Variants in ADGRL2 observed in about 807,000 individuals in gnomAD.
ADGRL2 encodes adhesion G protein-coupled receptor L2, also known as calcium-independent alpha-latrotoxin receptor 2.
Under a neutral mutation model 157.4 loss-of-function variants are expected in ADGRL2, and 44 were observed. The ratio of observed to expected loss-of-function variants is 0.28; its 90% CI spans 0.22 to 0.36. The LOEUF (loss-of-function observed/expected upper bound fraction) is 0.36. Ranked by LOEUF, ADGRL2 falls within the 10% of genes least tolerant of loss-of-function variation. The probability of loss-of-function intolerance (pLI) is 1.00; values close to 1 mark genes in which losing one functional copy is unlikely to be tolerated. For missense variants in ADGRL2, 1,510 were observed against 1,768.9 expected, an observed-to-expected ratio of 0.85 and a Z score of 2.63; for synonymous variants, 585 against 624.7, an observed-to-expected ratio of 0.94 and a Z score of 0.95.
rs746319816 is a variant in ADGRL2 at position 81,906,998 on chromosome 1, C to A, written c.74-19C>A. 3.8e-6 allele frequency: 6 copies of A among 1,589,550 alleles called. No homozygotes were observed. The highest frequency in any genetic ancestry group is 4.3e-6 in the Non-Finnish European group (5 of 1,159,802). ...TATAAATGAGTTACAGTTTAATTTT[C>A]TTTCTTTTTTATTTTAAGGTTTCAG... On this transcript the variant is annotated intron_variant, in intron 2 of 23. Transcript: ENST00000686636.
At chr1:81,778,431 A>G (rs761008320) in intron 2 of ADGRL2, among the ~76,000 whole-genome samples, 1 of 151,764 alleles carries the variant, frequency 6.6e-6, no homozygotes, top group Non-Finnish European at 1.5e-5. Flanking sequence ...AGAGATCTGT[A>G]TATCTATTGT....
intron 2 of ADGRL2, among the ~76,000 whole-genome samples, chr1:81,895,393 C>CTTTTTTT (rs34557038): frequency 1.7e-4 from 17 of 97,584 alleles, no homozygotes; most frequent in South Asian, 3.8e-4. Context: ...TTAAATGTAT[C>CTTTTTTT]TTTTTTTTTT....
At chr1:81,571,454 T>C (rs891176238) in intron 2 of ADGRL2, among the ~76,000 whole-genome samples, 17 of 148,700 alleles carry the variant, frequency 1.1e-4, no homozygotes, top group South Asian at 6.3e-4. Flanking sequence ...TACACACACA[T>C]ATATATATAT....
intron 2 of ADGRL2, among the ~76,000 whole-genome samples, chr1:81,846,835 A>G (rs1261263559): frequency 6.6e-6 from 1 of 151,990 alleles, no homozygotes. Flanking sequence ...ATTACAATAG[A>G]AAGCCTGTTG....
At chr1:81,746,943 C>CGT (rs1444531644) in intron 1 of ADGRL2, among the ~76,000 whole-genome samples, 1 of 145,476 alleles carries the variant, frequency 6.9e-6, no homozygotes, top group Non-Finnish European at 1.5e-5. Flanking sequence ...CACGTATACA[C>CGT]ATGTATGTAT....
chr1:81,863,737 C>T (rs1390446829), intron 2 of ADGRL2, among the ~76,000 whole-genome samples: 1 of 152,066 alleles, frequency 6.6e-6, no homozygotes, highest in Non-Finnish European at 1.5e-5. Flanking sequence ...AATAAAAGAG[C>T]ATGTTTTCTC....
At chr1:81,527,637 G>A (rs1264901556) in intron 2 of ADGRL2, among the ~76,000 whole-genome samples, 3 of 152,036 alleles carry the variant, frequency 2.0e-5, no homozygotes, top group Non-Finnish European at 4.4e-5. Context: ...ACTTGAACCC[G>A]GGAGGCGGAG....
intron 2 of ADGRL2, among the ~76,000 whole-genome samples, chr1:81,897,869 A>T (rs1416431237): frequency 6.6e-6 from 1 of 152,222 alleles, no homozygotes; most frequent in Admixed American, 6.5e-5. Context: ...TTTCAAATAA[A>T]CTGTTAACAT....
intron 3 of ADGRL2, among the ~76,000 whole-genome samples, chr1:81,601,319 G>A (rs2081330113): frequency 6.6e-6 from 1 of 152,188 alleles, no homozygotes. Flanking sequence ...GTGTGCTGAA[G>A]TGTTTCTTCT....
chr1:81,397,502 G>T (rs1387530248), intron 1 of ADGRL2, among the ~76,000 whole-genome samples: 10 of 151,792 alleles, frequency 6.6e-5, no homozygotes, highest in Non-Finnish European at 2.9e-5. Flanking sequence ...TGCATTTTTA[G>T]TAGAGACGGG....
chr1:81,367,307 G>A (rs1467790097), intron 1 of ADGRL2, among the ~76,000 whole-genome samples: 1 of 152,072 alleles, frequency 6.6e-6, no homozygotes, highest in Admixed American at 6.5e-5. Flanking sequence ...GTGCTGCAGG[G>A]ATCAACCCAT....
chr1:81,561,501 C>A (rs1443562203), intron 2 of ADGRL2, among the ~76,000 whole-genome samples: 3 of 149,224 alleles, frequency 2.0e-5, no homozygotes, highest in African/African-American at 5.0e-5. Flanking sequence ...TGCTCAGCCA[C>A]CCAGGCTGGA....
upstream of ADGRL2, among the ~76,000 whole-genome samples, chr1:81,798,951 G>A (rs2087729195): frequency 6.6e-6 from 1 of 152,088 alleles, no homozygotes; most frequent in Non-Finnish European, 1.5e-5. Context: ...AACCTTCAAA[G>A]ATGAACAAAG....
intron 2 of ADGRL2, among the ~76,000 whole-genome samples, chr1:81,768,479 C>CT (rs111907751): frequency 0.17 from 24,532 of 144,162 alleles, 2,148 homozygotes; most frequent in South Asian, 0.21. Flanking sequence ...TGAAGTACCT[C>CT]TTTTTTTTTT....
At chr1:81,590,547 A>G (rs1489412206) in intron 3 of ADGRL2, among the ~76,000 whole-genome samples, 2 of 151,944 alleles carry the variant, frequency 1.3e-5, no homozygotes, top group African/African-American at 2.4e-5. Flanking sequence ...TTTTAATCAC[A>G]TGTCCTTCTA....
chr1:81,832,765 A>G (rs189310378), intron 1 of ADGRL2, among the ~76,000 whole-genome samples: 27 of 152,266 alleles, frequency 1.8e-4, no homozygotes, highest in Admixed American at 1.6e-3. Context: ...CTCAAACCTC[A>G]AAGAATGCTG....
intron 2 of ADGRL2, among the ~76,000 whole-genome samples, chr1:81,485,215 T>C (rs542451191): frequency 2.4e-4 from 36 of 150,118 alleles, no homozygotes; most frequent in Admixed American, 5.3e-4. Context: ...GAGTGGTGTG[T>C]AGTAATCAGA....
intron 2 of ADGRL2, among the ~76,000 whole-genome samples, chr1:81,855,527 C>T (rs2150618417): frequency 6.6e-6 from 1 of 151,974 alleles, no homozygotes; most frequent in African/African-American, 2.4e-5. Flanking sequence ...TATTTTGATA[C>T]TTTTTCTTCC....
At chr1:81,893,887 A>G (rs1212673156) in intron 2 of ADGRL2, among the ~76,000 whole-genome samples, 1 of 152,194 alleles carries the variant, frequency 6.6e-6, no homozygotes, top group Non-Finnish European at 1.5e-5. Context: ...TTATCATTTC[A>G]TTAAAAATTG....
Sources: allele counts gnomAD v4.1 joint callset (sites outside exome capture counted in the v4.1 genomes callset), GRCh38; gene constraint gnomAD v4.1.1; transcripts MANE v1.5; gene names NCBI Gene and HGNC (gene_info 2026-07-23, HGNC 2026-07-21).